Variants in RBCK1 observed in about 807,000 individuals in gnomAD.
RBCK1 encodes RANBP2-type and C3HC4-type zinc finger containing 1.
In RBCK1, 44 loss-of-function variants were observed where a neutral mutation model predicts 71.1. That is an observed-to-expected ratio of 0.62 (90% CI 0.49 to 0.80). RBCK1 has a LOEUF of 0.80. Among genes scored for constraint, RBCK1 ranks in the 30% least tolerant of loss-of-function variants. The probability of loss-of-function intolerance (pLI) is 0.00; values close to 1 mark genes in which losing one functional copy is unlikely to be tolerated. For synonymous variants in RBCK1, 306 were observed against 279.7 expected, an observed-to-expected ratio of 1.09 and a Z score of -0.94; for missense variants, 569 against 685.0, an observed-to-expected ratio of 0.83 and a Z score of 1.89.
At position 422,462 on chromosome 20, in the gene RBCK1, A is replaced by G. The variant is rs1008984926; in HGVS notation, c.1029+224A>G. ...GTCCATGTGGGGTGTTGAGACCCCA[A>G]GCAGAAAAAGAATTGAGGGGAGTAG... On this transcript the variant is annotated intron_variant, in intron 8 of 11. Transcript: ENST00000356286. This position sits in a 1 kb window ranked among gnomAD's most constrained non-coding sequence, Gnocchi z 5.0. Among the ~76,000 whole-genome samples, 1 of 151,968 alleles carries G rather than the reference A, an allele frequency of 6.6e-6. No individual in the cohort carries two copies. Among genetic ancestry groups the G allele is most frequent in the Non-Finnish European group, 1.5e-5 (1 of 68,008 alleles).
chr20:429,216 CGAGGT>C, intron 11 of RBCK1, 122 bp downstream of exon 11: 3 of 1,326,370 alleles, frequency 2.3e-6, no homozygotes, highest in East Asian at 2.8e-5. Flanking sequence ...GTACAGCTCC[CGAGGT>C]AAGAATTTTT....
chr20:420,239 G>C lies in RBCK1; in HGVS notation c.756+508G>C, dbSNP rs6115919. 0.01 allele frequency: 9,881 copies of C among 984,878 alleles called. 743 individuals carry two copies. In the African/African-American group the frequency reaches 0.16, roughly 16 times the overall value. 61.0% of individuals were successfully genotyped at this position (984,878 alleles called of 1,614,324 possible). On this transcript the variant is annotated intron_variant, in intron 6 of 11. Coordinates refer to ENST00000356286, the MANE Select transcript of RBCK1 (RefSeq NM_031229.4). ...AGAGCCTGGCCTGGACCCTCGCTGCGCCCTAGGGGGATGACCCCCGACCCC... is the reference window on the plus strand; with the variant it reads ...AGAGCCTGGCCTGGACCCTCGCTGCCCCCTAGGGGGATGACCCCCGACCCC...
chr20:412,078 C>T (rs1258075504), intron 2 of RBCK1, among the ~76,000 whole-genome samples: 1 of 152,190 alleles, frequency 6.6e-6, no homozygotes, highest in Non-Finnish European at 1.5e-5. Context: ...AAAGTGGCTG[C>T]ACCATTTTAC....
intron 8 of RBCK1, among the ~76,000 whole-genome samples, chr20:425,046 T>C (rs528173890): frequency 3.3e-5 from 5 of 152,250 alleles, no homozygotes; most frequent in Admixed American, 2.6e-4. Flanking sequence ...AGTCTCACTC[T>C]GTCATCCAGG....
chr20:430,164 G>A lies in RBCK1; in HGVS notation c.1453-186G>A, dbSNP rs1195612394. 6.6e-6 allele frequency among the ~76,000 whole-genome samples: 1 copy of A among 152,212 alleles called. No homozygotes were observed. On this transcript the variant is annotated intron_variant, in intron 11 of 11. Coordinates refer to ENST00000356286, the MANE Select transcript of RBCK1 (RefSeq NM_031229.4). The surrounding 1 kb of genome is among the most constrained non-coding windows in gnomAD (Gnocchi z 5.6). Reference sequence around the variant, plus strand: ...CTGGCCTGTTCCCGGATCTAGGCGTGGGTAGACTGAGTGCTGTGGGAGCCC... The same window carrying A: ...CTGGCCTGTTCCCGGATCTAGGCGTAGGTAGACTGAGTGCTGTGGGAGCCC...
rs2016858676 is a variant in RBCK1 at position 428,626 on chromosome 20, AG to A, written c.1308+38del. On this transcript the variant is annotated intron_variant, in intron 10 of 11. Transcript: ENST00000356286. This position sits in a 1 kb window ranked among gnomAD's most constrained non-coding sequence, Gnocchi z 5.7. ...ACAGGGCCGAGGCCTAGGGATTTTA[AG>A]TTCTGGGATCCAGGTGGGGGCTGGG... 6.4e-7 allele frequency: 1 copy of A among 1,565,782 alleles called. No individual in the cohort carries two copies. Among genetic ancestry groups the A allele is most frequent in the African/African-American group, 1.4e-5 (1 of 73,738 alleles).
At position 419,638 on chromosome 20, in the gene RBCK1, C is replaced by T; in HGVS notation, c.663C>T (p.Pro221=). The change falls in exon 6 of 12, where the codon CCC becomes CCT. Residue 221 remains proline (P), a synonymous_variant. Coordinates refer to ENST00000356286, the MANE Select transcript of RBCK1 (RefSeq NM_031229.4). The part of the protein sequence containing the change: ...PGCEMCCRAR[P]EAYQVPASYQ... The stretch of plus-strand genomic sequence containing the variant: ...GTGAGATGTGCTGCCGGGCGCGCCC[C>T]GAGGCCTACCAGGTCCCCGCCTCAT... 4 of 1,588,072 alleles carry T rather than the reference C, an allele frequency of 2.5e-6. No homozygotes were observed. Among genetic ancestry groups the T allele is most frequent in the Non-Finnish European group, 3.4e-6 (4 of 1,169,198 alleles).
Position 428,114 on chromosome 20 carries a change from T to C in RBCK1, c.1210-377T>C, listed in dbSNP as rs1268127424. ...GGTCTCAGACTCAGCCTGAGCAAGC[T>C]CAGTCTGGGGTCATTGGGCCTGTAA... On this transcript the variant is annotated intron_variant, in intron 9 of 11. Transcript: ENST00000356286. This position sits in a 1 kb window ranked among gnomAD's most constrained non-coding sequence, Gnocchi z 5.7. Among the ~76,000 whole-genome samples the C allele has an allele frequency of 2.0e-5, 3 of 152,138 alleles. No homozygotes were observed. The highest frequency in any genetic ancestry group is 4.4e-5 in the Non-Finnish European group (3 of 68,030).
chr20:421,935 G>A, intron 7 of RBCK1, 192 bp from the exon 8 acceptor site: 1 of 568,562 alleles, frequency 1.8e-6, no homozygotes. Flanking sequence ...AATCAGAGCG[G>A]CAGTATGGAG....
At chr20:429,833 CTG>C (rs780410784) in intron 11 of RBCK1, among the ~76,000 whole-genome samples, 1 of 152,208 alleles carries the variant, frequency 6.6e-6, no homozygotes, top group Non-Finnish European at 1.5e-5. Context: ...CACATACTGA[CTG>C]TGTGATTAGG....
chr20:410,302 C>T (rs1270338416), intron 2 of RBCK1: 13 of 678,776 alleles, frequency 1.9e-5, no homozygotes, highest in Admixed American at 6.6e-5. Context: ...GAAAACGGAA[C>T]AGTGACGTAA....
Position 427,424 on chromosome 20 carries a change from T to G in RBCK1, c.1141T>G (p.Phe381Val). 6.2e-7 allele frequency: 1 copy of G among 1,614,174 alleles called. No individual in the cohort carries two copies. Among genetic ancestry groups the G allele is most frequent in the African/African-American group, 1.3e-5 (1 of 75,042 alleles). The stretch of plus-strand genomic sequence containing the variant: ...GACCCCAGATTGCAAGGGATGGTGC[T>G]TCTTTGAGGATGATGTCAATGAGTT... ...CKTPDCKGWC[F>V]FEDDVNEFTC... is the part of the protein sequence containing the mutation. The change falls in exon 9 of 12, where the codon TTC (phenylalanine) becomes GTC (valine). Residue 381 changes from phenylalanine to valine, a missense_variant. By Grantham distance (50) the Phe-to-Val change is conservative. Around this residue, in one of 2 missense-constraint regions of RBCK1, gnomAD observed 211 missense variants for 309.4 expected, o/e 0.68. Transcript: ENST00000356286.
At chr20:426,893 A>G (rs1344665222) in intron 8 of RBCK1, among the ~76,000 whole-genome samples, 1 of 130,688 alleles carries the variant, frequency 7.7e-6, no homozygotes, top group Non-Finnish European at 1.5e-5. Context: ...TGCATCAGTC[A>G]TGGCTCACTG....
rs779564413 is a variant in RBCK1, at chr20:417,384, C to G, written c.168-142C>G. On this transcript the variant is annotated intron_variant, in intron 2 of 11. Coordinates refer to ENST00000356286, the MANE Select transcript of RBCK1 (RefSeq NM_031229.4). This position sits in a 1 kb window ranked among gnomAD's most constrained non-coding sequence, Gnocchi z 4.7. The stretch of plus-strand genomic sequence containing the variant: ...GAAGAAGCATGGGTGGGGCCTACCC[C>G]AGACTGGGGTTTGTGTGTGTGTGTG... 4 of 818,416 alleles carry G rather than the reference C, an allele frequency of 4.9e-6. No individual in the cohort carries two copies. Among genetic ancestry groups the G allele is most frequent in the South Asian group, 4.2e-5 (3 of 72,026 alleles). The allele number at this position is 818,416 out of a possible 1,614,324, so 50.7% of individuals were successfully genotyped here.
rs752086794 is a variant in RBCK1 at position 417,964 on chromosome 20, CG to C, written c.460+39del. 287 of 1,581,856 alleles carry C rather than the reference CG, an allele frequency of 1.8e-4. 2 individuals are homozygous for C. The African/African-American group carries it at 3.3e-3, about 18-fold the overall frequency. ...CTGCCCTGAGCACCGCCGGACCCAGCGGGGGCCCTGGACTCACTTGAGGGCA... is the reference window on the plus strand; with the variant it reads ...CTGCCCTGAGCACCGCCGGACCCAGCGGGGCCCTGGACTCACTTGAGGGCA... On this transcript the variant is annotated intron_variant, in intron 4 of 11. Coordinates refer to ENST00000356286, the MANE Select transcript of RBCK1 (RefSeq NM_031229.4). The surrounding 1 kb of genome is among the most constrained non-coding windows in gnomAD (Gnocchi z 4.7).
In RBCK1 at chr20:422,306, G is replaced by A. The variant is rs1240652201; in HGVS notation, c.1029+68G>A. Reference sequence around the variant, plus strand: ...TAAGGAACTGGGCCCTGAGCAGGCAGCAGACATCTTTCTTTTCTTTCTTTT... The same window carrying A: ...TAAGGAACTGGGCCCTGAGCAGGCAACAGACATCTTTCTTTTCTTTCTTTT... On this transcript the variant is annotated intron_variant, in intron 8 of 11. Transcript: ENST00000356286. The surrounding 1 kb of genome is among the most constrained non-coding windows in gnomAD (Gnocchi z 5.0). The A allele has an allele frequency of 3.1e-6, 4 of 1,277,400 alleles. No homozygotes were observed. The highest frequency in any genetic ancestry group is 4.5e-6 in the Non-Finnish European group (4 of 894,758). 79.1% of individuals were successfully genotyped at this position (1,277,400 alleles called of 1,614,324 possible). A position where few individuals can be genotyped will look rare whatever the true frequency, so the allele number is the denominator to read the frequency against.
rs922148677 is a variant in RBCK1 at position 428,742 on chromosome 20, C to T, written c.1308+153C>T. ...TCCCATCCGGAGGTGGGACTTAGGC[C>T]GAATGGTCATGTCAGGAAGAGCGTC... On this transcript the variant is annotated intron_variant, in intron 10 of 11. Coordinates refer to ENST00000356286, the MANE Select transcript of RBCK1 (RefSeq NM_031229.4). The surrounding 1 kb of genome is among the most constrained non-coding windows in gnomAD (Gnocchi z 5.7). The T allele has an allele frequency of 5.7e-5, 79 of 1,392,972 alleles. 1 individual carries two copies. The highest frequency in any genetic ancestry group is 3.2e-4 in the South Asian group (21 of 65,724). The allele number at this position is 1,392,972 out of a possible 1,614,324, so 86.3% of individuals were successfully genotyped here.
rs752710558 is a variant in RBCK1 at position 430,303 on chromosome 20, GTC to G, written c.1453-43_1453-42del. ...GGGAGAGCGCTCGGCTGTGGGGGCA[GTC>G]TCTGCACTGCGCTGACATTCTCTTC... On this transcript the variant is annotated intron_variant, in intron 11 of 11. Coordinates refer to ENST00000356286, the MANE Select transcript of RBCK1 (RefSeq NM_031229.4). This position sits in a 1 kb window ranked among gnomAD's most constrained non-coding sequence, Gnocchi z 5.6. The G allele has an allele frequency of 3.5e-5, 54 of 1,523,352 alleles. No individual in the cohort carries two copies. In the Admixed American group the frequency reaches 8.2e-4, roughly 23 times the overall value. The allele number at this position is 1,523,352 out of a possible 1,614,324, so 94.4% of individuals were successfully genotyped here.
At chr20:427,619 A>G in intron 9 of RBCK1, 127 bp downstream of exon 9, 1 of 1,021,114 alleles carries the variant, frequency 9.8e-7, no homozygotes, top group Admixed American at 2.2e-5. Flanking sequence ...TTAGAGCTAC[A>G]TGTCAGTGGG....
Sources: gnomAD v4.1 joint callset for allele counts (sites outside exome capture counted in the v4.1 genomes callset) on GRCh38, gnomAD v4.1.1 for gene constraint, gnomAD v4.1.1 regional missense constraint, Gnocchi (gnomAD v3.1) non-coding constraint, MANE v1.5 for transcripts, NCBI Gene and HGNC (gene_info 2026-07-23, HGNC 2026-07-21) for gene names.